MORC1: variants seen among roughly 807,000 people sequenced by gnomAD.
MORC1 encodes MORC family CW-type zinc finger 1.
In MORC1, 59 loss-of-function variants were observed where a neutral mutation model predicts 134.9. That is an observed-to-expected ratio of 0.44 (90% CI 0.35 to 0.54). The LOEUF is 0.54. Among genes scored for constraint, MORC1 ranks in the 20% least tolerant of loss-of-function variants. The pLI, the probability that MORC1 is intolerant of heterozygous loss-of-function variation, is 0.00. For missense variants in MORC1, 947 were observed against 1,134.5 expected (o/e 0.83, Z 2.37); for synonymous variants, 395 against 391.7 (o/e 1.01, Z -0.10).
intron 14 of MORC1, among the ~76,000 whole-genome samples, chr3:109,037,587 T>TCCCAGCTCC (rs1949408606): frequency 1.3e-5 from 2 of 152,298 alleles, no homozygotes; most frequent in African/African-American, 4.8e-5. Context: ...ACTATCTCTC[T>TCCCAGCTCC]CCCAGCTCCC....
intron 24 of MORC1, among the ~76,000 whole-genome samples, chr3:108,978,693 C>T (rs1443394822): frequency 6.6e-6 from 1 of 152,200 alleles, no homozygotes; most frequent in African/African-American, 2.4e-5. Context: ...TGTTTGAGAA[C>T]TCTCATCTTC....
intron 8 of MORC1, among the ~76,000 whole-genome samples, chr3:109,070,218 T>G (rs562775900): frequency 6.6e-6 from 1 of 152,156 alleles, no homozygotes; most frequent in Admixed American, 6.5e-5. Flanking sequence ...GCTTTCAAAA[T>G]TATGAACAAG....
At chr3:109,053,468 T>G (rs1357495979) in intron 14 of MORC1, among the ~76,000 whole-genome samples, 2 of 152,132 alleles carry the variant, frequency 1.3e-5, no homozygotes, top group Non-Finnish European at 2.9e-5. Flanking sequence ...AATTGTGTCC[T>G]TTGCAGCAAC....
intron 8 of MORC1, among the ~76,000 whole-genome samples, chr3:109,088,435 GA>G (rs1950656688): frequency 6.6e-6 from 1 of 152,008 alleles, no homozygotes; most frequent in Non-Finnish European, 1.5e-5. Flanking sequence ...TTTTTCAAAA[GA>G]AAACATACAT....
chr3:109,036,302 C>A (rs1949379421), intron 14 of MORC1, among the ~76,000 whole-genome samples: 2 of 151,920 alleles, frequency 1.3e-5, no homozygotes, highest in African/African-American at 4.8e-5. Context: ...CAAAGAGTAT[C>A]CCTAGTGTAA....
chr3:108,961,102 A>C (rs1350186411), intron 27 of MORC1, among the ~76,000 whole-genome samples: 1 of 152,212 alleles, frequency 6.6e-6, no homozygotes, highest in Non-Finnish European at 1.5e-5. Context: ...TATGGGATCA[A>C]CTAACTCTCC....
intron 8 of MORC1, among the ~76,000 whole-genome samples, chr3:109,086,515 C>T (rs1236978419): frequency 1.3e-5 from 2 of 151,880 alleles, no homozygotes; most frequent in South Asian, 2.1e-4. Flanking sequence ...TGCCCTGGTT[C>T]GCGTCCTGGT....
chr3:109,078,012 C>A (rs112263162), intron 8 of MORC1, among the ~76,000 whole-genome samples: 2 of 151,956 alleles, frequency 1.3e-5, no homozygotes, highest in African/African-American at 4.8e-5. Context: ...CACAGACGGG[C>A]ATTATGTATT....
chr3:108,983,045 A>C (rs1947790516), intron 23 of MORC1, among the ~76,000 whole-genome samples: 1 of 152,126 alleles, frequency 6.6e-6, no homozygotes, highest in Non-Finnish European at 1.5e-5. Context: ...ACAATCTCAT[A>C]AAGACCAAAA....
In MORC1 at chr3:108,959,119, C is replaced by T; in HGVS notation, c.2801G>A (p.Gly934Asp). Residue 934 changes from glycine (G) to aspartate (D), a missense_variant and splice_region_variant, in exon 28 of 28, where the codon GGT becomes GAT. Physicochemically the swap from Gly to Asp is moderately conservative, Grantham distance 94. This residue lies in a region of MORC1 where 722 missense variants were observed against 817.0 expected (regional missense o/e 0.88). Coordinates refer to ENST00000232603, the MANE Select transcript of MORC1 (RefSeq NM_014429.4). ...LALLLQKLQL[G>D]GPEGDLEQTD... is the part of the protein sequence containing the mutation. ...CTGCTCCAGGTCACCTTCTGGACCACCCTGGAAAAGAGAAGCAACAGTCAC... is the reference window on the plus strand; with the variant it reads ...CTGCTCCAGGTCACCTTCTGGACCATCCTGGAAAAGAGAAGCAACAGTCAC... 6.4e-7 allele frequency: 1 copy of T among 1,572,646 alleles called. No individual in the cohort carries two copies. Among genetic ancestry groups the T allele is most frequent in the African/African-American group, 1.4e-5 (1 of 71,922 alleles).
At chr3:108,968,964 T>A (rs919088302) in intron 26 of MORC1, among the ~76,000 whole-genome samples, 5 of 151,898 alleles carry the variant, frequency 3.3e-5, no homozygotes, top group African/African-American at 7.3e-5. Flanking sequence ...GGTTTTTTTT[T>A]TTATTATTAA....
chr3:109,085,373 T>G (rs1950597821), intron 8 of MORC1, among the ~76,000 whole-genome samples: 1 of 152,136 alleles, frequency 6.6e-6, no homozygotes, highest in Admixed American at 6.6e-5. Flanking sequence ...GACAGAAGAT[T>G]AATATCCAGA....
At chr3:109,029,218 C>T (rs1330913278) in intron 16 of MORC1, among the ~76,000 whole-genome samples, 1 of 152,148 alleles carries the variant, frequency 6.6e-6, no homozygotes, top group Non-Finnish European at 1.5e-5. Context: ...TTGTTATTAT[C>T]GTTATTTTCA....
At chr3:109,117,943 T>C (rs574869164) in intron 1 of MORC1, 52 bp downstream of exon 1, 2 of 1,458,972 alleles carry the variant, frequency 1.4e-6, no homozygotes, top group South Asian at 2.4e-5. Context: ...AAACCTTTCT[T>C]CATGGCGGGC....
At chr3:109,107,920 G>A (rs908257996) in intron 3 of MORC1, among the ~76,000 whole-genome samples, 1 of 152,196 alleles carries the variant, frequency 6.6e-6, no homozygotes, top group African/African-American at 2.4e-5. Flanking sequence ...TGCCAGCCAT[G>A]CCTGGTGGCT....
At chr3:109,076,047 A>G (rs983286390) in intron 8 of MORC1, among the ~76,000 whole-genome samples, 3 of 152,162 alleles carry the variant, frequency 2.0e-5, no homozygotes, top group Non-Finnish European at 4.4e-5. Context: ...TGAACAGGCA[A>G]CCTACAGAAT....
intron 17 of MORC1, among the ~76,000 whole-genome samples, chr3:109,024,379 T>C (rs980607684): frequency 6.6e-6 from 1 of 152,214 alleles, no homozygotes; most frequent in African/African-American, 2.4e-5. Context: ...AGGAATTAAA[T>C]AAGATACCAT....
At chr3:109,049,937 A>T (rs1949782795) in intron 14 of MORC1, among the ~76,000 whole-genome samples, 1 of 152,202 alleles carries the variant, frequency 6.6e-6, no homozygotes, top group Non-Finnish European at 1.5e-5. Flanking sequence ...AAGAATAATT[A>T]CTATTCTTGA....
intron 14 of MORC1, among the ~76,000 whole-genome samples, chr3:109,049,817 C>T (rs1303504491): frequency 6.6e-6 from 1 of 152,132 alleles, no homozygotes; most frequent in Non-Finnish European, 1.5e-5. Context: ...AGATGAGGAT[C>T]CCATTTCAGT....
Sources: gnomAD v4.1 joint callset for allele counts (sites outside exome capture counted in the v4.1 genomes callset) on GRCh38, gnomAD v4.1.1 for gene constraint, gnomAD v4.1.1 regional missense constraint, MANE v1.5 for transcripts, NCBI Gene and HGNC (gene_info 2026-07-23, HGNC 2026-07-21) for gene names.